PPP1R12A: variants seen among roughly 807,000 people sequenced by gnomAD.
The protein encoded by PPP1R12A is protein phosphatase 1 regulatory subunit 12A.
A neutral mutation model predicts 139.6 loss-of-function variants in PPP1R12A; 19 were observed. The observed-to-expected ratio is 0.14, with a 90% CI of 0.09 to 0.20. The LOEUF is 0.20. Among genes scored for constraint, PPP1R12A ranks in the 10% least tolerant of loss-of-function variants. The pLI is 1.00. For synonymous variants in PPP1R12A, 427 were observed against 420.6 expected (o/e 1.02, Z -0.19); for missense variants, 925 against 1,211.5 (o/e 0.76, Z 3.51).
At chr12:79,923,405 A>G (rs1015088638) in intron 1 of PPP1R12A, among the ~76,000 whole-genome samples, 6 of 152,270 alleles carry the variant, frequency 3.9e-5, no homozygotes, top group Non-Finnish European at 5.9e-5. Context: ...ACATGCACAC[A>G]CAATGGAATA....
intron 1 of PPP1R12A, among the ~76,000 whole-genome samples, chr12:79,918,577 A>G (rs1179120205): frequency 6.6e-6 from 1 of 152,098 alleles, no homozygotes; most frequent in Admixed American, 6.6e-5. Flanking sequence ...TAATCCCTCA[A>G]GCCAATCCAC....
chr12:79,832,601 T>C, intron 3 of PPP1R12A, 110 bp from the exon 4 acceptor site: 9 of 1,186,774 alleles, frequency 7.6e-6, no homozygotes, highest in Non-Finnish European at 1.0e-5. Flanking sequence ...AGTGAAAGTA[T>C]GTCTTTTTAA....
Position 79,810,011 on chromosome 12 carries a change from CTG to C in PPP1R12A, c.1240-3_1240-2del, listed in dbSNP as rs1363209504. Reference sequence around the variant, plus strand: ...AAATTTTTGTAGCTGTGGTTGGAAACTGTGTTTATTTTATTTTTTAGGAAAAG... The same window carrying C: ...AAATTTTTGTAGCTGTGGTTGGAAACTGTTTATTTTATTTTTTAGGAAAAG... On this transcript the variant is annotated splice_acceptor_variant and splice_polypyrimidine_tract_variant and intron_variant, in intron 9 of 24. Coordinates refer to ENST00000450142, the MANE Select transcript of PPP1R12A (RefSeq NM_002480.3). LOFTEE classifies it high-confidence loss of function. 1.6e-5 allele frequency: 25 copies of C among 1,602,466 alleles called. No homozygotes were observed. The highest frequency in any genetic ancestry group is 2.0e-5 in the Non-Finnish European group (24 of 1,174,786).
chr12:79,807,065 AATATATATCC>A, intron 12 of PPP1R12A, 151 bp downstream of exon 12: 1 of 453,208 alleles, frequency 2.2e-6, no homozygotes, highest in Non-Finnish European at 3.9e-6. Context: ...CCTATCTTTA[AATATATATCC>A]TGTGTTTAGA....
intron 23 of PPP1R12A, chr12:79,780,612 ATAC>A (rs1870320577): frequency 6.6e-6 from 1 of 152,200 alleles, no homozygotes; most frequent in Admixed American, 6.5e-5. Context: ...TGAAAAATAA[ATAC>A]TACTTTAAGT....
chr12:79,918,909 A>G (rs1223506223), intron 1 of PPP1R12A, among the ~76,000 whole-genome samples: 1 of 152,066 alleles, frequency 6.6e-6, no homozygotes, highest in Non-Finnish European at 1.5e-5. Context: ...TGAGGTCAGG[A>G]GTTTGAGACC....
intron 1 of PPP1R12A, among the ~76,000 whole-genome samples, chr12:79,933,498 T>C (rs577646665): frequency 1.3e-5 from 2 of 152,336 alleles, no homozygotes; most frequent in South Asian, 4.1e-4. Flanking sequence ...CTATGCATCT[T>C]CCACACACAA....
At chr12:79,867,506 G>A (rs1031997039) in intron 2 of PPP1R12A, among the ~76,000 whole-genome samples, 3 of 134,308 alleles carry the variant, frequency 2.2e-5, no homozygotes, top group Non-Finnish European at 4.9e-5. Context: ...TCAAATGCAT[G>A]AGCTCCTAAT....
chr12:79,925,476 T>C (rs556539535), intron 1 of PPP1R12A, among the ~76,000 whole-genome samples: 1 of 152,160 alleles, frequency 6.6e-6, no homozygotes, highest in Non-Finnish European at 1.5e-5. Context: ...CAAATGTGAG[T>C]TAAATCATCA....
chr12:79,796,037 C>T (rs1273718516), intron 17 of PPP1R12A, among the ~76,000 whole-genome samples: 5 of 152,062 alleles, frequency 3.3e-5, no homozygotes, highest in Admixed American at 3.3e-4. Context: ...AAACACAATG[C>T]AGGCCTCACA....
At position 79,839,552 on chromosome 12, in the gene PPP1R12A, C is replaced by T. The variant is rs540992276; in HGVS notation, c.487+5750G>A. ...TCCCCACAAGTCGTGGGAGGGACTCCGTGTGAGGTAACTGAATCATGGGGG... is the reference window on the plus strand; with the variant it reads ...TCCCCACAAGTCGTGGGAGGGACTCTGTGTGAGGTAACTGAATCATGGGGG... On this transcript the variant is annotated intron_variant, in intron 3 of 24. Coordinates refer to ENST00000450142, the MANE Select transcript of PPP1R12A (RefSeq NM_002480.3). 1.1e-4 allele frequency among the ~76,000 whole-genome samples: 16 copies of T among 152,220 alleles called. No homozygotes were observed. In the East Asian group the frequency reaches 1.7e-3, roughly 17 times the overall value.
At chr12:79,782,383 G>A (rs1040329934) in intron 22 of PPP1R12A, 3 of 255,656 alleles carry the variant, frequency 1.2e-5, no homozygotes, top group Middle Eastern at 7.3e-4. Context: ...AATCATCCAT[G>A]CTCCACAATT....
At chr12:79,862,358 G>GA (rs1389303674) in intron 2 of PPP1R12A, among the ~76,000 whole-genome samples, 1 of 152,126 alleles carries the variant, frequency 6.6e-6, no homozygotes, top group Non-Finnish European at 1.5e-5. Flanking sequence ...CAAAGATGGG[G>GA]AAAAACCAGA....
At chr12:79,928,688 T>C (rs1888030060) in intron 1 of PPP1R12A, among the ~76,000 whole-genome samples, 1 of 152,256 alleles carries the variant, frequency 6.6e-6, no homozygotes, top group Admixed American at 6.5e-5. Context: ...CTATAAACTC[T>C]TAATTCAGAT....
chr12:79,837,546 G>A (rs1255079107), intron 3 of PPP1R12A, among the ~76,000 whole-genome samples: 3 of 152,086 alleles, frequency 2.0e-5, no homozygotes. Context: ...CTAATGATAT[G>A]GTTTGGCTGT....
At chr12:79,790,144 G>A (rs1215144689) in intron 20 of PPP1R12A, among the ~76,000 whole-genome samples, 1 of 152,030 alleles carries the variant, frequency 6.6e-6, no homozygotes, top group Non-Finnish European at 1.5e-5. Flanking sequence ...AGAAGATTCT[G>A]AATACTTAAT....
At chr12:79,843,457 A>G (rs1878993943) in intron 3 of PPP1R12A, among the ~76,000 whole-genome samples, 1 of 151,658 alleles carries the variant, frequency 6.6e-6, no homozygotes, top group Non-Finnish European at 1.5e-5. Context: ...AGGCGCCTGT[A>G]ATCCCAGCTA....
At chr12:79,905,485 T>C (rs1157906980) in intron 1 of PPP1R12A, among the ~76,000 whole-genome samples, 2 of 152,088 alleles carry the variant, frequency 1.3e-5, no homozygotes, top group Non-Finnish European at 2.9e-5. Flanking sequence ...AGGGAACTAG[T>C]AAGTGGCACA....
intron 1 of PPP1R12A, among the ~76,000 whole-genome samples, chr12:79,881,941 G>A (rs1352719271): frequency 3.9e-5 from 6 of 152,138 alleles, no homozygotes; most frequent in Non-Finnish European, 8.8e-5. Context: ...AAGCCTGGAT[G>A]GCAGCACATC....
Sources: gnomAD v4.1 joint callset for allele counts (sites outside exome capture counted in the v4.1 genomes callset) on GRCh38, gnomAD v4.1.1 for gene constraint, MANE v1.5 for transcripts, NCBI Gene and HGNC (gene_info 2026-07-23, HGNC 2026-07-21) for gene names.